PRKCE: variants seen among roughly 807,000 people sequenced by gnomAD.
PRKCE encodes the protein protein kinase C epsilon type.
PRKCE carries 16 observed loss-of-function variants against 85.4 expected under a neutral mutation model. The observed-to-expected ratio is 0.19, with a 90% CI of 0.13 to 0.28. The LOEUF is 0.28. PRKCE is among the 10% of genes least tolerant of loss of function. PRKCE has a pLI of 1.00. For synonymous variants in PRKCE, 388 were observed against 371.5 expected, an observed-to-expected ratio of 1.04 and a Z score of -0.51; for missense variants, 573 against 975.2, an observed-to-expected ratio of 0.59 and a Z score of 5.49.
Position 46,122,781 on chromosome 2 carries a change from A to G in PRKCE, c.1593-22312A>G, listed in dbSNP as rs187224662. 8.5e-5 allele frequency among the ~76,000 whole-genome samples: 13 copies of G among 152,118 alleles called. No individual in the cohort carries two copies. The East Asian group carries it at 2.5e-3, about 29-fold the overall frequency. ...CATTGTCCCCATTTTACAGGTGAAG[A>G]AACTGAGGCTTCAAGTTTTAACATG... On this transcript the variant is annotated intron_variant, in intron 11 of 14. Transcript: ENST00000306156.
chr2:46,181,040 G>A (rs1679927009), intron 14 of PRKCE, among the ~76,000 whole-genome samples: 1 of 152,168 alleles, frequency 6.6e-6, no homozygotes, highest in East Asian at 1.9e-4. Flanking sequence ...ATTAGGGGAG[G>A]CAGGGATGAC....
chr2:45,743,190 G>A (rs540644835), intron 1 of PRKCE, among the ~76,000 whole-genome samples: 4 of 152,232 alleles, frequency 2.6e-5, no homozygotes, highest in African/African-American at 9.6e-5. Context: ...GAAACCTAAT[G>A]TACAGCATAA....
chr2:45,702,336 C>G (rs1678716463), intron 1 of PRKCE, among the ~76,000 whole-genome samples: 1 of 152,144 alleles, frequency 6.6e-6, no homozygotes, highest in African/African-American at 2.4e-5. Flanking sequence ...AATACTAGTC[C>G]CAGCTCTTGG....
At chr2:46,009,870 C>A (rs1230920672) in intron 9 of PRKCE, among the ~76,000 whole-genome samples, 2 of 152,200 alleles carry the variant, frequency 1.3e-5, no homozygotes, top group East Asian at 3.8e-4. Flanking sequence ...AAAATAGTTA[C>A]ATTATTTTAC....
Position 46,012,700 on chromosome 2 carries a change from G to T in PRKCE, c.1437+2183G>T, listed in dbSNP as rs148783457. Among the ~76,000 whole-genome samples the T allele has an allele frequency of 2.7e-3, 418 of 152,320 alleles. 2 individuals carry two copies. The highest frequency in any genetic ancestry group is 9.7e-3 in the African/African-American group (405 of 41,574). On this transcript the variant is annotated intron_variant, in intron 10 of 14. Transcript: ENST00000306156. ...GAGCCCCTGTACGTGGTGGATCATG[G>T]GAAGCCACGTTGAAGGTCAGCTTGG...
Position 45,965,029 on chromosome 2 carries a change from G to A in PRKCE, c.413-11400G>A, listed in dbSNP as rs144197237. On this transcript the variant is annotated intron_variant, in intron 2 of 14. Transcript: ENST00000306156. Reference sequence around the variant, plus strand: ...AGATGCTAATCTTGAAATGCCACCCGTTCTCTTCTGATTAGATTACATGCA... The same window carrying A: ...AGATGCTAATCTTGAAATGCCACCCATTCTCTTCTGATTAGATTACATGCA... Among the ~76,000 whole-genome samples the A allele has an allele frequency of 2.5e-3, 377 of 152,280 alleles. 3 individuals are homozygous for A. Among genetic ancestry groups the A allele is most frequent in the African/African-American group, 7.6e-3 (316 of 41,548 alleles).
intron 11 of PRKCE, among the ~76,000 whole-genome samples, chr2:46,098,327 C>T (rs537879470): frequency 2.0e-4 from 31 of 151,422 alleles, no homozygotes; most frequent in Middle Eastern, 3.4e-3. Flanking sequence ...TACTCCCCCC[C>T]CAACCCACAC....
chr2:45,794,855 C>A (rs1443009813), intron 1 of PRKCE, among the ~76,000 whole-genome samples: 1 of 151,266 alleles, frequency 6.6e-6, no homozygotes, highest in Non-Finnish European at 1.5e-5. Flanking sequence ...ACCCCCCCCC[C>A]CATCCACCAT....
At chr2:45,892,892 T>G (rs1271216025) in intron 2 of PRKCE, among the ~76,000 whole-genome samples, 1 of 152,170 alleles carries the variant, frequency 6.6e-6, no homozygotes, top group Non-Finnish European at 1.5e-5. Flanking sequence ...CAGTCAGTAA[T>G]GTACCCCCCG....
chr2:46,159,896 T>A lies in PRKCE; in HGVS notation c.2067+144T>A. 1 of 1,014,566 alleles carries A rather than the reference T, an allele frequency of 9.9e-7. No individual in the cohort carries two copies. The highest frequency in any genetic ancestry group is 1.4e-6 in the Non-Finnish European group (1 of 713,724). 62.8% of individuals were successfully genotyped at this position (1,014,566 alleles called of 1,614,324 possible). A position where few individuals can be genotyped will look rare whatever the true frequency, so the allele number is the denominator to read the frequency against. On this transcript the variant is annotated intron_variant, in intron 14 of 14. Coordinates refer to ENST00000306156, the MANE Select transcript of PRKCE (RefSeq NM_005400.3). This position sits in a 1 kb window ranked among gnomAD's most constrained non-coding sequence, Gnocchi z 4.1. ...GACCAGAGGTGGCTGAGGCTCTCCCTAAGACAATGTCTTTAGGCCCCAAGT... is the reference window on the plus strand; with the variant it reads ...GACCAGAGGTGGCTGAGGCTCTCCCAAAGACAATGTCTTTAGGCCCCAAGT...
At chr2:45,936,394 G>A (rs1699458023) in intron 2 of PRKCE, among the ~76,000 whole-genome samples, 1 of 152,242 alleles carries the variant, frequency 6.6e-6, no homozygotes, top group Admixed American at 6.5e-5. Context: ...CAGCACCCAC[G>A]TGGTTTTGAA....
chr2:46,109,820 G>T (rs964170004), intron 11 of PRKCE, among the ~76,000 whole-genome samples: 2 of 152,180 alleles, frequency 1.3e-5, no homozygotes, highest in Middle Eastern at 3.4e-3. Flanking sequence ...CATTAAGTAT[G>T]ATATTAACAG....
chr2:45,879,604 C>T (rs917277501), intron 2 of PRKCE, among the ~76,000 whole-genome samples: 3 of 152,204 alleles, frequency 2.0e-5, no homozygotes, highest in African/African-American at 4.8e-5. Flanking sequence ...CCACAGGGCC[C>T]GAGTGGAGTT....
intron 1 of PRKCE, among the ~76,000 whole-genome samples, chr2:45,838,737 C>G (rs1238471459): frequency 1.3e-5 from 2 of 152,162 alleles, no homozygotes; most frequent in African/African-American, 2.4e-5. Flanking sequence ...CTCTGCCTCC[C>G]AAGTAGCTGG....
At chr2:45,769,120 A>C (rs1685121884) in intron 1 of PRKCE, among the ~76,000 whole-genome samples, 1 of 152,222 alleles carries the variant, frequency 6.6e-6, no homozygotes, top group South Asian at 2.1e-4. Flanking sequence ...CTCTAATCAG[A>C]TTAGTTTATT....
At chr2:45,958,420 A>T (rs75295947) in intron 2 of PRKCE, among the ~76,000 whole-genome samples, 3,605 of 150,886 alleles carry the variant, frequency 0.024, 156 homozygotes, top group East Asian at 0.23. Flanking sequence ...GAGGCAGGAG[A>T]ATGGCATGAA....
intron 1 of PRKCE, among the ~76,000 whole-genome samples, chr2:45,723,970 C>A (rs776497279): frequency 6.6e-6 from 1 of 152,190 alleles, no homozygotes; most frequent in African/African-American, 2.4e-5. Flanking sequence ...TTTGAGGAGA[C>A]CCTGCTTTCA....
chr2:45,699,450 G>A (rs190781407), intron 1 of PRKCE, among the ~76,000 whole-genome samples: 1 of 152,296 alleles, frequency 6.6e-6, no homozygotes, highest in Admixed American at 6.5e-5. Flanking sequence ...GAGTGAATGA[G>A]TTAACCATGA....
At chr2:45,807,063 T>A (rs1040909613) in intron 1 of PRKCE, among the ~76,000 whole-genome samples, 12 of 152,196 alleles carry the variant, frequency 7.9e-5, no homozygotes, top group African/African-American at 2.4e-4. Context: ...GATTCAGGGC[T>A]GGCACGGGCT....
Sources: allele counts gnomAD v4.1 joint callset (sites outside exome capture counted in the v4.1 genomes callset), GRCh38; gene constraint gnomAD v4.1.1; non-coding constraint Gnocchi (gnomAD v3.1); transcripts MANE v1.5; gene names NCBI Gene and HGNC (gene_info 2026-07-23, HGNC 2026-07-21).